NALF1: variants seen among roughly 807,000 people sequenced by gnomAD.
The protein encoded by NALF1 is family with sequence similarity 155 member A.
NALF1 carries 3 observed loss-of-function variants against 48.4 expected under a neutral mutation model. The observed-to-expected ratio is 0.06, with a 90% CI of 0.03 to 0.16. NALF1 has a LOEUF of 0.16. Among genes scored for constraint, NALF1 ranks in the 10% least tolerant of loss-of-function variants. NALF1 has a pLI of 1.00. For missense variants in NALF1, 526 were observed against 571.5 expected, an observed-to-expected ratio of 0.92 and a Z score of 0.81; for synonymous variants, 262 against 245.7, an observed-to-expected ratio of 1.07 and a Z score of -0.62.
At chr13:107,697,643 T>C (rs369060066) in intron 1 of NALF1, among the ~76,000 whole-genome samples, 7 of 152,266 alleles carry the variant, frequency 4.6e-5, no homozygotes, top group East Asian at 3.9e-4. Context: ...GTAAGCTCTC[T>C]ATCAAAATGC....
At chr13:107,493,530 T>C (rs1875218230) in intron 1 of NALF1, among the ~76,000 whole-genome samples, 1 of 152,090 alleles carries the variant, frequency 6.6e-6, no homozygotes, top group Admixed American at 6.6e-5. Flanking sequence ...TAGGAATGTA[T>C]AGAAATAAAG....
At chr13:107,612,321 A>T (rs2138433560) in intron 1 of NALF1, among the ~76,000 whole-genome samples, 1 of 152,256 alleles carries the variant, frequency 6.6e-6, no homozygotes, top group South Asian at 2.1e-4. Flanking sequence ...GCCACGCAAG[A>T]CAAAAACGTT....
intron 1 of NALF1, among the ~76,000 whole-genome samples, chr13:107,587,925 G>A (rs1485954436): frequency 6.6e-6 from 1 of 152,072 alleles, no homozygotes; most frequent in African/African-American, 2.4e-5. Context: ...TGTATCTCCA[G>A]GACCTAGCAC....
intron 2 of NALF1, among the ~76,000 whole-genome samples, chr13:107,206,960 A>T (rs1012837069): frequency 2.3e-4 from 35 of 152,342 alleles, no homozygotes; most frequent in Admixed American, 8.5e-4. Context: ...TTATAATTAA[A>T]TCTGTTGAAT....
intron 1 of NALF1, among the ~76,000 whole-genome samples, chr13:107,359,669 T>A (rs1253943136): frequency 1.3e-5 from 2 of 151,688 alleles, no homozygotes; most frequent in Non-Finnish European, 2.9e-5. Flanking sequence ...TCTCTCTAGT[T>A]TAGGAACCAA....
At chr13:107,660,731 G>T (rs1169887926) in intron 1 of NALF1, among the ~76,000 whole-genome samples, 1 of 151,886 alleles carries the variant, frequency 6.6e-6, no homozygotes, top group African/African-American at 2.4e-5. Context: ...TAAACCCATG[G>T]AATGTACACC....
chr13:107,205,778 T>C (rs1879627591), intron 2 of NALF1, among the ~76,000 whole-genome samples: 1 of 152,128 alleles, frequency 6.6e-6, no homozygotes, highest in Non-Finnish European at 1.5e-5. Flanking sequence ...ATTTTATCTA[T>C]CAATCAAATG....
chr13:107,669,652 G>A (rs769545670), intron 1 of NALF1, among the ~76,000 whole-genome samples: 21 of 152,084 alleles, frequency 1.4e-4, no homozygotes, highest in Non-Finnish European at 2.2e-4. Context: ...GAGATGAACC[G>A]CATGAGAGCA....
intron 1 of NALF1, among the ~76,000 whole-genome samples, chr13:107,665,826 T>G (rs939774927): frequency 6.6e-6 from 1 of 152,122 alleles, no homozygotes; most frequent in African/African-American, 2.4e-5. Context: ...ACTTTATTTT[T>G]CAACATGAGC....
At chr13:107,355,060 C>A (rs965010033) in intron 1 of NALF1, among the ~76,000 whole-genome samples, 2 of 152,288 alleles carry the variant, frequency 1.3e-5, no homozygotes, top group African/African-American at 4.8e-5. Flanking sequence ...CAGGGGGCAT[C>A]TGGGCACTGC....
At chr13:107,554,822 T>C (rs1012467138) in intron 1 of NALF1, among the ~76,000 whole-genome samples, 5 of 151,972 alleles carry the variant, frequency 3.3e-5, no homozygotes, top group African/African-American at 1.2e-4. Flanking sequence ...CTTCCTCCCA[T>C]GGAGGGAAGG....
At chr13:107,176,658 A>C (rs1878944877) in intron 2 of NALF1, among the ~76,000 whole-genome samples, 1 of 151,976 alleles carries the variant, frequency 6.6e-6, no homozygotes, top group African/African-American at 2.4e-5. Flanking sequence ...AAATTAAAAA[A>C]AAATAATAAT....
intron 1 of NALF1, among the ~76,000 whole-genome samples, chr13:107,427,695 T>C (rs1884304387): frequency 6.6e-6 from 1 of 152,200 alleles, no homozygotes; most frequent in Admixed American, 6.5e-5. Flanking sequence ...TTCAAGTTTG[T>C]TCAGGGCTAT....
At chr13:107,567,008 G>C (rs1368488922) in intron 1 of NALF1, among the ~76,000 whole-genome samples, 3 of 151,568 alleles carry the variant, frequency 2.0e-5, no homozygotes, top group Non-Finnish European at 4.4e-5. Flanking sequence ...CTGATTAAAA[G>C]AAAAAATTAC....
intron 1 of NALF1, among the ~76,000 whole-genome samples, chr13:107,724,976 A>G (rs1398041991): frequency 6.6e-6 from 1 of 152,210 alleles, no homozygotes; most frequent in Non-Finnish European, 1.5e-5. Context: ...TCTAGCTTCC[A>G]AGAACTCACT....
Position 107,866,158 on chromosome 13 carries a change from G to C in NALF1, c.439C>G (p.Arg147Gly). The C allele has an allele frequency of 6.2e-7, 1 of 1,607,926 alleles. No individual in the cohort carries two copies. Among genetic ancestry groups the C allele is most frequent in the Non-Finnish European group, 8.5e-7 (1 of 1,177,640 alleles). ...DGGGGGGKGN[R>G]GKDDRGKALF... ...GCCTTGCCCCGGTCGTCTTTGCCTCGGTTGCCCTTGCCGCCGCCGCCGCCG... is the reference window on the plus strand; with the variant it reads ...GCCTTGCCCCGGTCGTCTTTGCCTCCGTTGCCCTTGCCGCCGCCGCCGCCG... The change falls in exon 1 of 3, where the codon CGA becomes GGA. Residue 147 changes from arginine (R) to glycine (G), a missense_variant. Arg to Gly is a moderately radical substitution (Grantham distance 125). This residue lies in a region of NALF1 where 373 missense variants were observed against 355.5 expected (regional missense o/e 1.05). Coordinates refer to ENST00000375915, the MANE Select transcript of NALF1 (RefSeq NM_001080396.3). The surrounding 1 kb of genome is among the most constrained non-coding windows in gnomAD (Gnocchi z 4.4).
At chr13:107,495,364 C>A (rs1368469551) in intron 1 of NALF1, among the ~76,000 whole-genome samples, 1 of 152,112 alleles carries the variant, frequency 6.6e-6, no homozygotes, top group South Asian at 2.1e-4. Flanking sequence ...ATCTTGATTT[C>A]TATGAAGATT....
At chr13:107,405,513 G>C (rs891537357) in intron 1 of NALF1, among the ~76,000 whole-genome samples, 1 of 151,986 alleles carries the variant, frequency 6.6e-6, no homozygotes, top group African/African-American at 2.4e-5. Context: ...CTCCTTTCAA[G>C]TTGGCCAAAA....
At chr13:107,842,336 AGT>A (rs1880064806) in intron 1 of NALF1, among the ~76,000 whole-genome samples, 2 of 152,112 alleles carry the variant, frequency 1.3e-5, no homozygotes, top group South Asian at 4.1e-4. Flanking sequence ...ACAAAGAAAT[AGT>A]GTGTTTATTA....
Sources: gnomAD v4.1 joint callset for allele counts (sites outside exome capture counted in the v4.1 genomes callset) on GRCh38, gnomAD v4.1.1 for gene constraint, gnomAD v4.1.1 regional missense constraint, Gnocchi (gnomAD v3.1) non-coding constraint, MANE v1.5 for transcripts, NCBI Gene and HGNC (gene_info 2026-07-23, HGNC 2026-07-21) for gene names.